Variants in PNCK observed in about 807,000 individuals in gnomAD.
PNCK encodes calcium/calmodulin-dependent protein kinase type 1B.
PNCK carries 21 observed loss-of-function variants against 28.3 expected under a neutral mutation model. The observed-to-expected ratio is 0.74, with a 90% CI of 0.53 to 1.07. The LOEUF is 1.07. PNCK is among the 50% of genes least tolerant of loss of function. PNCK has a pLI of 0.00. For missense variants in PNCK, 250 were observed against 298.3 expected (o/e 0.84, Z 1.19); for synonymous variants, 136 against 125.2 (o/e 1.09, Z -0.58).
chrX:153,672,788 T>G, intron 2 of PNCK, 91 bp from the exon 3 acceptor site: 1 of 1,043,023 alleles, frequency 9.6e-7, no homozygotes. Flanking sequence ...GGGCCCCCTG[T>G]GAAGGAGATG....
At chrX:153,681,332 G>A (rs1213007653) in intron 1 of PNCK, among the ~76,000 whole-genome samples, 2 of 111,638 alleles carry the variant, frequency 1.8e-5, no homozygotes, top group Non-Finnish European at 3.8e-5. Context: ...AGCACGGTAT[G>A]GAAAGGGGGA....
intron 1 of PNCK, chrX:153,687,426 G>A (rs1557043336): frequency 6.1e-6 from 2 of 326,552 alleles, no homozygotes; most frequent in African/African-American, 5.4e-5. Flanking sequence ...ACAGAGGCCT[G>A]TCACCTGAAG....
chrX:153,670,803 C>T lies in PNCK; in HGVS notation c.835G>A (p.Asp279Asn). ...WISGDTAFDR[D>N]ILGSVSEQIR... The stretch of plus-strand genomic sequence containing the variant: ...TGCTCACTGACAGAGCCTAAGATGT[C>T]CCTGTCGAAGGCTGTGTCCCCAGAG... The change falls in exon 10 of 12, where the codon GAC becomes AAC. Residue 279 changes from aspartate to asparagine, a missense_variant. Coordinates refer to ENST00000340888, the MANE Select transcript of PNCK (RefSeq NM_001366977.1). 1 of 1,211,496 alleles carries T rather than the reference C, an allele frequency of 8.3e-7. No homozygotes were observed.
chrX:153,674,427 G>A (rs782685947), upstream of PNCK: 4 of 292,925 alleles, frequency 1.4e-5, no homozygotes, highest in East Asian at 1.0e-4. Context: ...CCTCTTCCCC[G>A]GCCACACTGG....
chrX:153,672,953 G>T, intron 2 of PNCK, 56 bp downstream of exon 2: 1 of 1,033,318 alleles, frequency 9.7e-7, no homozygotes. Flanking sequence ...TCTCACACAG[G>T]TACACACACA....
chrX:153,670,590 G>T lies in PNCK; in HGVS notation c.899C>A (p.Ala300Asp), dbSNP rs2091282352. The T allele has an allele frequency of 8.3e-7, 1 of 1,209,998 alleles. No homozygotes were observed. The highest frequency in any genetic ancestry group is 1.1e-6 in the Non-Finnish European group (1 of 894,886). The change falls in exon 11 of 12, where the codon GCC (alanine) becomes GAC (aspartate). Residue 300 changes from alanine (A) to aspartate (D), a missense_variant. Physicochemically the swap from Ala to Asp is moderately radical, Grantham distance 126. Transcript: ENST00000340888. ...KNFARTHWKR[A>D]FNATSFLRHI... Reference sequence around the variant, plus strand: ...GCGCAGGAACGAGGTGGCATTGAAGGCTCGCTGCCAGAAGAGAGGGAGATC... The same window carrying T: ...GCGCAGGAACGAGGTGGCATTGAAGTCTCGCTGCCAGAAGAGAGGGAGATC...
upstream of PNCK, chrX:153,674,047 C>A: frequency 8.3e-7 from 1 of 1,204,214 alleles, no homozygotes; most frequent in Non-Finnish European, 1.1e-6. Flanking sequence ...GGCCTTTGCA[C>A]CACCGGTGGC....
chrX:153,674,084 A>G (rs1557041123), upstream of PNCK: 1 of 1,209,680 alleles, frequency 8.3e-7, no homozygotes, highest in East Asian at 3.0e-5. Flanking sequence ...CTTCGGCCAC[A>G]GGTCGGCAAG....
intron 3 of PNCK, 64 bp downstream of exon 3, chrX:153,672,502 C>G: frequency 8.5e-7 from 1 of 1,173,951 alleles, no homozygotes; most frequent in Non-Finnish European, 1.1e-6. Context: ...TGGACTAGAG[C>G]CAAGGACTGC....
Position 153,683,460 on chromosome X carries a change from T to C in PNCK, c.-3+3971A>G, listed in dbSNP as rs1035522248. 2.8e-5 allele frequency among the ~76,000 whole-genome samples: 3 copies of C among 108,455 alleles called. No individual in the cohort carries two copies. The Admixed American group carries it at 2.9e-4, about 11-fold the overall frequency. The allele number at this position is 108,455 out of a possible 115,157, so 94.2% of individuals were successfully genotyped here. A position where few individuals can be genotyped will look rare whatever the true frequency, so the allele number is the denominator to read the frequency against. ...CAGCCCTGAAGGCTAGGTTTTTTTT[T>C]TGAGACAGAGTCTCACTCTGTTGCC... is the stretch of plus-strand genomic sequence containing the variant. On this transcript the variant is annotated intron_variant, in intron 1 of 3. Coordinates refer to the PNCK transcript ENST00000419804.
chrX:153,671,661 G>A lies in PNCK; in HGVS notation c.426C>T (p.Leu142=). 1 of 1,189,677 alleles carries A rather than the reference G, an allele frequency of 8.4e-7. No individual in the cohort carries two copies. Among genetic ancestry groups the A allele is most frequent in the African/African-American group, 1.7e-5 (1 of 57,405 alleles). ...IVHRDLKPEN[L]LYATPFEDSK... Reference sequence around the variant, plus strand: ...AGTCCTCAAAGGGCGTGGCATACAGGAGGTTTTCGGGCTGTGACACACGGA... The same window carrying A: ...AGTCCTCAAAGGGCGTGGCATACAGAAGGTTTTCGGGCTGTGACACACGGA... Residue 142 remains leucine, a synonymous_variant, in exon 6 of 12, where the codon CTC becomes CTT. Coordinates refer to ENST00000340888, the MANE Select transcript of PNCK (RefSeq NM_001366977.1).
chrX:153,677,897 T>C (rs1292823956), upstream of PNCK, among the ~76,000 whole-genome samples: 2 of 105,667 alleles, frequency 1.9e-5, no homozygotes, highest in East Asian at 2.9e-4. Context: ...TAGATAGATA[T>C]GTAGTATATA....
At chrX:153,684,819 C>T (rs2091410646) in intron 1 of PNCK, among the ~76,000 whole-genome samples, 1 of 82,682 alleles carries the variant, frequency 1.2e-5, no homozygotes, top group East Asian at 4.9e-4. Flanking sequence ...TAGCCCCCCT[C>T]CCCTGCCCTC....
At chrX:153,677,575 GTATATATAGTGTATA>G (rs1569538950), upstream of PNCK, among the ~76,000 whole-genome samples, 5 of 98,427 alleles carry the variant, frequency 5.1e-5, no homozygotes, top group African/African-American at 1.2e-4. Context: ...TATATAGTGT[GTATATATAGTGTATA>G]TATATATATA....
Position 153,672,991 on chromosome X carries a change from A to C in PNCK, c.68+18T>G. ...CACACACACACACACACGATCACACACGCGCGCGCACACTCACGAGCCGAG... is the reference window on the plus strand; with the variant it reads ...CACACACACACACACACGATCACACCCGCGCGCGCACACTCACGAGCCGAG... On this transcript the variant is annotated intron_variant, in intron 2 of 11. Transcript: ENST00000340888. 1 of 1,162,592 alleles carries C rather than the reference A, an allele frequency of 8.6e-7. No homozygotes were observed. Among genetic ancestry groups the C allele is most frequent in the East Asian group, 3.1e-5 (1 of 31,782 alleles).
rs2091274840 is a variant in PNCK, at chrX:153,670,109, T to C, written c.*29A>G. ...CAAGGGAAGGAAATCTGGGGGTCAGTCCACTTGGCCTCGGCATCTGCCTGA... is the reference window on the plus strand; with the variant it reads ...CAAGGGAAGGAAATCTGGGGGTCAGCCCACTTGGCCTCGGCATCTGCCTGA... On this transcript the variant is annotated 3_prime_UTR_variant, in exon 12 of 12. Coordinates refer to ENST00000340888, the MANE Select transcript of PNCK (RefSeq NM_001366977.1). 6.4e-6 allele frequency: 2 copies of C among 312,569 alleles called. No individual in the cohort carries two copies. Among genetic ancestry groups the C allele is most frequent in the African/African-American group, 5.4e-5 (2 of 37,208 alleles). 25.8% of individuals were successfully genotyped at this position (312,569 alleles called of 1,213,427 possible).
intron 1 of PNCK, among the ~76,000 whole-genome samples, chrX:153,680,834 A>G (rs1050974338): frequency 1.8e-5 from 2 of 110,720 alleles, no homozygotes; most frequent in Non-Finnish European, 3.8e-5. Flanking sequence ...GTTCGAGATC[A>G]GCCTGGCCAA....
exon 1 of PNCK, chrX:153,687,459 C>A: frequency 3.0e-6 from 1 of 328,574 alleles, no homozygotes; most frequent in Non-Finnish European, 5.9e-6. Flanking sequence ...CCTCCAGCTT[C>A]CAGGGTAGCC....
Position 153,673,797 on chromosome X carries a change from G to A in PNCK, c.-20C>T, listed in dbSNP as rs1392879181. On this transcript the variant is annotated 5_prime_UTR_variant, in exon 1 of 12. Coordinates refer to ENST00000340888, the MANE Select transcript of PNCK (RefSeq NM_001366977.1). ...GTGCAGACCTGGAGCGGGTGCCGCAGCGTCGTGCCGCGCAGTGGCCGCAGC... is the reference window on the plus strand; with the variant it reads ...GTGCAGACCTGGAGCGGGTGCCGCAACGTCGTGCCGCGCAGTGGCCGCAGC... The A allele has an allele frequency of 5.3e-6, 4 of 748,422 alleles. No homozygotes were observed. The African/African-American group carries it at 7.0e-5, about 13-fold the overall frequency. The allele number at this position is 748,422 out of a possible 1,213,427, so 61.7% of individuals were successfully genotyped here. A position where few individuals can be genotyped will look rare whatever the true frequency, so the allele number is the denominator to read the frequency against.
Sources: allele counts gnomAD v4.1 joint callset (sites outside exome capture counted in the v4.1 genomes callset), GRCh38; gene constraint gnomAD v4.1.1; transcripts MANE v1.5; gene names NCBI Gene and HGNC (gene_info 2026-07-23, HGNC 2026-07-21).